The following ZFR variants were observed in gnomAD, a reference collection of about 807,000 sequenced individuals.
ZFR encodes zinc finger RNA-binding protein.
A neutral mutation model predicts 130.7 loss-of-function variants in ZFR; 19 were observed. That is an observed-to-expected ratio of 0.15 (90% CI 0.10 to 0.21). ZFR has a LOEUF of 0.21. Among genes scored for constraint, ZFR ranks in the 10% least tolerant of loss-of-function variants. The pLI is 1.00. For synonymous variants in ZFR, 466 were observed against 456.9 expected (o/e 1.02, Z -0.25); for missense variants, 872 against 1,321.5 (o/e 0.66, Z 5.27).
chr5:32,360,752 C>A (rs1752414827), intron 19 of ZFR, among the ~76,000 whole-genome samples: 1 of 152,104 alleles, frequency 6.6e-6, no homozygotes, highest in South Asian at 2.1e-4. Context: ...AGCTGCTAAC[C>A]TGTTTCTCTT....
At chr5:32,409,526 C>A (rs1035955860) in intron 5 of ZFR, among the ~76,000 whole-genome samples, 2 of 151,948 alleles carry the variant, frequency 1.3e-5, no homozygotes, top group Admixed American at 6.6e-5. Flanking sequence ...GTACCTCAGC[C>A]TCCCAAGTAG....
chr5:32,425,056 G>A (rs1754043729), intron 2 of ZFR, among the ~76,000 whole-genome samples: 1 of 152,158 alleles, frequency 6.6e-6, no homozygotes. Flanking sequence ...GAGGAGAAAT[G>A]AGAAGAGAGC....
intron 8 of ZFR, 82 bp from the exon 9 acceptor site, chr5:32,400,285 G>T: frequency 9.6e-7 from 1 of 1,042,168 alleles, no homozygotes; most frequent in Non-Finnish European, 1.3e-6. Context: ...TTCAGATAAA[G>T]TTCTTTTCTG....
chr5:32,435,232 G>A (rs1203596831), intron 2 of ZFR, among the ~76,000 whole-genome samples: 2 of 152,068 alleles, frequency 1.3e-5, no homozygotes, highest in Non-Finnish European at 2.9e-5. Flanking sequence ...TTATACTCAC[G>A]AAAAATAAAT....
intron 19 of ZFR, among the ~76,000 whole-genome samples, chr5:32,360,076 C>A (rs1463569291): frequency 6.6e-6 from 1 of 151,942 alleles, no homozygotes; most frequent in African/African-American, 2.4e-5. Flanking sequence ...AATCTTGAAA[C>A]TAGGGGGACT....
chr5:32,399,736 G>A (rs1234471990), intron 9 of ZFR, among the ~76,000 whole-genome samples: 2 of 152,144 alleles, frequency 1.3e-5, no homozygotes, highest in Non-Finnish European at 2.9e-5. Flanking sequence ...TTACAAGAAT[G>A]CTTGCTAGTA....
At chr5:32,416,896 G>A (rs1348082723) in intron 4 of ZFR, among the ~76,000 whole-genome samples, 1 of 132,856 alleles carries the variant, frequency 7.5e-6, no homozygotes, top group African/African-American at 2.8e-5. Context: ...ATAATTAAAG[G>A]AAGTGCCCAT....
At chr5:32,444,432 G>C in intron 1 of ZFR, 104 bp from the exon 2 acceptor site, 1 of 1,378,144 alleles carries the variant, frequency 7.3e-7, no homozygotes, top group Non-Finnish European at 9.8e-7. Flanking sequence ...CGCCGTGAGA[G>C]CAGCCCTGGC....
At chr5:32,397,155 T>C in intron 10 of ZFR, 64 bp downstream of exon 10, 1 of 1,525,070 alleles carries the variant, frequency 6.6e-7, no homozygotes, top group African/African-American at 1.4e-5. Context: ...ACATAAAGAA[T>C]GCTCTGGGTG....
rs146353911 is a variant in ZFR at position 32,355,774 on chromosome 5, A to G, written c.3211T>C (p.Tyr1071His). 18 of 1,585,334 alleles carry G rather than the reference A, an allele frequency of 1.1e-5. No homozygotes were observed. In the African/African-American group the frequency reaches 2.3e-4, roughly 21 times the overall value. The change falls in exon 20 of 20, where the codon TAT becomes CAT. Residue 1071 changes from tyrosine (Y) to histidine (H), a missense_variant. Coordinates refer to ENST00000265069, the MANE Select transcript of ZFR (RefSeq NM_016107.5). Reference sequence around the variant, plus strand: ...ACAGACACTTTTTAAAAGTTATCATAATCTTTTTTGTCTTTTTTCCCCTCA... The same window carrying G: ...ACAGACACTTTTTAAAAGTTATCATGATCTTTTTTGTCTTTTTTCCCCTCA... ...EAEGKKDKKD[Y>H]DNF
chr5:32,377,700 A>G (rs924936952), intron 17 of ZFR, among the ~76,000 whole-genome samples: 1 of 151,992 alleles, frequency 6.6e-6, no homozygotes. Flanking sequence ...ATATATATAT[A>G]TTTTTGAGAT....
intron 4 of ZFR, among the ~76,000 whole-genome samples, chr5:32,415,815 A>C (rs550421340): frequency 6.6e-5 from 10 of 152,180 alleles, no homozygotes; most frequent in African/African-American, 2.4e-4. Context: ...AAAACAATGT[A>C]TATTTTGAAA....
intron 17 of ZFR, among the ~76,000 whole-genome samples, chr5:32,378,414 TAAAA>T (rs968086599): frequency 6.6e-6 from 1 of 151,306 alleles, no homozygotes; most frequent in East Asian, 1.9e-4. Context: ...TAAAAAAGAT[TAAAA>T]AAAAAGAACT....
chr5:32,377,020 G>A (rs1365500817), intron 17 of ZFR, among the ~76,000 whole-genome samples: 5 of 150,336 alleles, frequency 3.3e-5, no homozygotes, highest in African/African-American at 1.2e-4. Flanking sequence ...AGCCGGGCGT[G>A]GTGGCAGGCG....
chr5:32,356,798 G>A (rs1420778552), intron 19 of ZFR, among the ~76,000 whole-genome samples: 2 of 152,144 alleles, frequency 1.3e-5, no homozygotes, highest in African/African-American at 4.8e-5. Flanking sequence ...AAGTTCTGGA[G>A]AAAGAACTTT....
At chr5:32,389,318 A>G (rs372351044) in intron 12 of ZFR, among the ~76,000 whole-genome samples, 2 of 152,328 alleles carry the variant, frequency 1.3e-5, no homozygotes, top group East Asian at 3.9e-4. Flanking sequence ...AGCCACTGGT[A>G]ATGGAAAAAT....
chr5:32,399,660 T>C (rs1432615052), intron 9 of ZFR, among the ~76,000 whole-genome samples: 1 of 152,244 alleles, frequency 6.6e-6, no homozygotes, highest in African/African-American at 2.4e-5. Context: ...ATAAATATAT[T>C]GGTTCTCTTT....
At chr5:32,438,251 AAATTTTTTTTTTTTTTT>A (rs1439468369) in intron 2 of ZFR, among the ~76,000 whole-genome samples, 5 of 34,662 alleles carry the variant, frequency 1.4e-4, no homozygotes, top group African/African-American at 4.4e-4. Context: ...TTTTATCTGA[AAATTTTTTTTTTTTTTT>A]TTTTTTTTTT....
chr5:32,427,870 T>C (rs972810198), intron 2 of ZFR, among the ~76,000 whole-genome samples: 14 of 152,206 alleles, frequency 9.2e-5, no homozygotes, highest in African/African-American at 3.4e-4. Context: ...ATTCAGTGCG[T>C]TGTCTTCTCA....
Sources: gnomAD v4.1 joint callset for allele counts (sites outside exome capture counted in the v4.1 genomes callset) on GRCh38, gnomAD v4.1.1 for gene constraint, MANE v1.5 for transcripts, NCBI Gene and HGNC (gene_info 2026-07-23, HGNC 2026-07-21) for gene names.